Variants in POLA1 observed in about 807,000 individuals in gnomAD.
The protein encoded by POLA1 is DNA polymerase alpha 1, catalytic subunit.
Under a neutral mutation model 124.0 loss-of-function variants are expected in POLA1, and 15 were observed. The ratio of observed to expected loss-of-function variants is 0.12; its 90% CI spans 0.08 to 0.19. POLA1 has a LOEUF of 0.19. Ranked by LOEUF, POLA1 falls within the 10% of genes least tolerant of loss-of-function variation. The probability of loss-of-function intolerance (pLI) is 1.00; values close to 1 mark genes in which losing one functional copy is unlikely to be tolerated. For missense variants in POLA1, 886 were observed against 1,103.4 expected (o/e 0.80, Z 2.79); for synonymous variants, 408 against 389.4 (o/e 1.05, Z -0.56).
intron 34 of POLA1, among the ~76,000 whole-genome samples, chrX:24,864,794 TAA>T (rs2046770473): frequency 9.0e-6 from 1 of 111,518 alleles, no homozygotes; most frequent in Non-Finnish European, 1.9e-5. Flanking sequence ...CCATTTTCTT[TAA>T]TATAGTCTCT....
chrX:24,919,435 A>G (rs2047579686), intron 35 of POLA1, among the ~76,000 whole-genome samples: 1 of 111,118 alleles, frequency 9.0e-6, no homozygotes, highest in Admixed American at 9.6e-5. Flanking sequence ...CCTTGAGGTC[A>G]TGTTCCCCCC....
At position 24,814,952 on chromosome X, in the gene POLA1, GTTTTGTTTTTTT is replaced by G. The variant is rs778036344; in HGVS notation, c.3297-22_3297-11del. 1.1e-4 allele frequency: 95 copies of G among 867,025 alleles called. No individual in the cohort carries two copies. In the African/African-American group the frequency reaches 2.1e-3, roughly 19 times the overall value. 71.5% of individuals were successfully genotyped at this position (867,025 alleles called of 1,213,427 possible). ...TATTAAAAAATCAACTGCTGTCTTT[GTTTTGTTTTTTT>G]TTTTTTTTTTGCAGCTTTGTGATTG... On this transcript the variant is annotated splice_polypyrimidine_tract_variant and intron_variant, in intron 29 of 36. Coordinates refer to ENST00000379068, the MANE Select transcript of POLA1 (RefSeq NM_001330360.2).
At chrX:24,912,518 A>T (rs1025790930) in intron 35 of POLA1, among the ~76,000 whole-genome samples, 3 of 112,111 alleles carry the variant, frequency 2.7e-5, no homozygotes, top group Non-Finnish European at 5.6e-5. Flanking sequence ...CTCAACAGTA[A>T]AACAAGCAAT....
At chrX:24,820,867 T>C (rs1290421639) in intron 30 of POLA1, among the ~76,000 whole-genome samples, 1 of 111,686 alleles carries the variant, frequency 9.0e-6, no homozygotes, top group East Asian at 2.8e-4. Context: ...CCGCAAATAT[T>C]TGGCTGCTAC....
intron 36 of POLA1, among the ~76,000 whole-genome samples, chrX:24,931,962 G>A (rs952012143): frequency 9.0e-6 from 1 of 111,375 alleles, no homozygotes; most frequent in Non-Finnish European, 1.9e-5. Flanking sequence ...GCAGTGGCAC[G>A]GTCTCAGCTC....
At chrX:24,876,530 CCT>C (rs1194210214) in intron 34 of POLA1, among the ~76,000 whole-genome samples, 2 of 111,258 alleles carry the variant, frequency 1.8e-5, no homozygotes, top group African/African-American at 6.5e-5. Flanking sequence ...ACTGTAGCTC[CCT>C]GTCTGCCCTG....
At position 24,837,497 on chromosome X, in the gene POLA1, A is replaced by G. The variant is rs1176931852; in HGVS notation, c.3737-4155A>G. On this transcript the variant is annotated intron_variant, in intron 32 of 36. Coordinates refer to ENST00000379068, the MANE Select transcript of POLA1 (RefSeq NM_001330360.2). ...GTAGATTATACCAGTTAATCCATTC[A>G]CTTGTTGATGGACATCTAGAGTGTT... Among the ~76,000 whole-genome samples, 21 of 112,073 alleles carry G rather than the reference A, an allele frequency of 1.9e-4. No individual in the cohort carries two copies. The Admixed American group carries it at 1.9e-3, about 10-fold the overall frequency.
chrX:24,959,539 C>A, intron 36 of POLA1, among the ~76,000 whole-genome samples: 1 of 110,284 alleles, frequency 9.1e-6, no homozygotes, highest in Non-Finnish European at 1.9e-5. Flanking sequence ...CTACCATTTT[C>A]ACTTGCTGCC....
chrX:24,735,569 G>A, intron 18 of POLA1, 81 bp downstream of exon 18: 1 of 571,824 alleles, frequency 1.7e-6, no homozygotes. Context: ...GTGCTTTTGA[G>A]CAGCAAATAA....
At chrX:24,822,956 G>C (rs2046114837) in intron 31 of POLA1, among the ~76,000 whole-genome samples, 1 of 111,613 alleles carries the variant, frequency 9.0e-6, no homozygotes, top group South Asian at 3.8e-4. Context: ...GGCCAAACCT[G>C]CAATGAAGAT....
chrX:24,820,266 A>G (rs2046065699), intron 30 of POLA1, among the ~76,000 whole-genome samples: 2 of 111,451 alleles, frequency 1.8e-5, no homozygotes, highest in Admixed American at 1.9e-4. Context: ...TTGCTTCTGT[A>G]TCATCAGTAC....
At chrX:24,823,017 G>A (rs1451592585) in intron 31 of POLA1, among the ~76,000 whole-genome samples, 1 of 111,760 alleles carries the variant, frequency 8.9e-6, no homozygotes, top group Non-Finnish European at 1.9e-5. Context: ...AGTCTGTTTT[G>A]TGTCCCTTGA....
intron 36 of POLA1, among the ~76,000 whole-genome samples, chrX:24,969,920 G>A (rs1414064327): frequency 1.8e-5 from 2 of 111,835 alleles, no homozygotes; most frequent in Non-Finnish European, 3.8e-5. Flanking sequence ...AACATGCAGC[G>A]TTTGGTTTCC....
intron 36 of POLA1, among the ~76,000 whole-genome samples, chrX:24,985,077 C>T (rs1488644141): frequency 8.9e-6 from 1 of 111,952 alleles, no homozygotes; most frequent in Non-Finnish European, 1.9e-5. Flanking sequence ...TTGTGAAAAG[C>T]CTCTTTGGTC....
chrX:24,811,027 G>A (rs1172122304), intron 28 of POLA1, among the ~76,000 whole-genome samples: 4 of 111,419 alleles, frequency 3.6e-5, no homozygotes, highest in Admixed American at 1.9e-4. Flanking sequence ...AGGGCTTGCT[G>A]AAGCGTTGAC....
At chrX:24,708,790 T>C (rs1328997913) in intron 4 of POLA1, among the ~76,000 whole-genome samples, 1 of 69,420 alleles carries the variant, frequency 1.4e-5, no homozygotes, top group Non-Finnish European at 2.9e-5. Context: ...TTCTACTTTC[T>C]ACACAGACAC....
intron 35 of POLA1, among the ~76,000 whole-genome samples, chrX:24,919,796 G>GT (rs113905438): frequency 0.2 from 7,907 of 39,346 alleles, 684 homozygotes; most frequent in Middle Eastern, 0.29. Flanking sequence ...TCCCTCCCCA[G>GT]TTTTTTTTTT....
chrX:24,890,907 C>T (rs766972795), intron 35 of POLA1, among the ~76,000 whole-genome samples: 3 of 112,231 alleles, frequency 2.7e-5, no homozygotes, highest in Non-Finnish European at 5.6e-5. Context: ...CGGTTGTAGG[C>T]TTTAGGGGAA....
chrX:24,832,025 TGTGGGCAAGTCTA>T (rs1394702120), intron 32 of POLA1, among the ~76,000 whole-genome samples: 2 of 112,059 alleles, frequency 1.8e-5, no homozygotes, highest in African/African-American at 6.5e-5. Flanking sequence ...ATTTCACTGT[TGTGGGCAAGTCTA>T]GTGGGCAACA....
Sources: gnomAD v4.1 joint callset for allele counts (sites outside exome capture counted in the v4.1 genomes callset) on GRCh38, gnomAD v4.1.1 for gene constraint, MANE v1.5 for transcripts, NCBI Gene and HGNC (gene_info 2026-07-23, HGNC 2026-07-21) for gene names.